The following ZDHHC14 variants were observed in gnomAD, a reference collection of about 807,000 sequenced individuals.
ZDHHC14 encodes the protein palmitoyltransferase ZDHHC14.
Under a neutral mutation model 47.7 loss-of-function variants are expected in ZDHHC14, and 16 were observed. That is an observed-to-expected ratio of 0.34 (90% confidence interval 0.23 to 0.51). The LOEUF (loss-of-function observed/expected upper bound fraction) is 0.51. Among genes scored for constraint, ZDHHC14 ranks in the 20% least tolerant of loss-of-function variants. The pLI, the probability that ZDHHC14 is intolerant of heterozygous loss-of-function variation, is 0.97. For missense variants in ZDHHC14, 515 were observed against 662.5 expected, an observed-to-expected ratio of 0.78 and a Z score of 2.44; for synonymous variants, 293 against 278.9, an observed-to-expected ratio of 1.05 and a Z score of -0.50.
In ZDHHC14 at chr6:157,640,459, C is replaced by T. The variant is rs141043130; in HGVS notation, c.753-5278C>T. On this transcript the variant is annotated intron_variant, in intron 5 of 8. Transcript: ENST00000359775. ...TTGGCCCACAGAAAGGACACCACAA[C>T]GGGAAAATCACGAAGGCAGCACAGG... 4.3e-3 allele frequency among the ~76,000 whole-genome samples: 657 copies of T among 152,288 alleles called. 5 individuals carry two copies. Among genetic ancestry groups the T allele is most frequent in the African/African-American group, 0.015 (613 of 41,568 alleles).
At chr6:157,388,031 T>A (rs1318789238) in intron 1 of ZDHHC14, among the ~76,000 whole-genome samples, 1 of 152,248 alleles carries the variant, frequency 6.6e-6, no homozygotes, top group African/African-American at 2.4e-5. Context: ...CTTTTCTTAA[T>A]TATTTAGAAA....
At chr6:157,670,320 G>T (rs1170823529) in intron 8 of ZDHHC14, among the ~76,000 whole-genome samples, 6 of 152,158 alleles carry the variant, frequency 3.9e-5, no homozygotes, top group Non-Finnish European at 8.8e-5. Flanking sequence ...TAGAGACAAG[G>T]TCTTGCTCTG....
At chr6:157,443,445 G>T (rs1778598717) in intron 1 of ZDHHC14, among the ~76,000 whole-genome samples, 1 of 152,128 alleles carries the variant, frequency 6.6e-6, no homozygotes, top group Non-Finnish European at 1.5e-5. Flanking sequence ...CATCCCTTTT[G>T]CTCTGCGGCT....
chr6:157,444,448 C>T (rs779339023), intron 1 of ZDHHC14, among the ~76,000 whole-genome samples: 1 of 152,024 alleles, frequency 6.6e-6, no homozygotes, highest in Non-Finnish European at 1.5e-5. Context: ...GAAGGTGAGG[C>T]GGGTGGATCA....
chr6:157,400,523 A>G (rs1777613451), intron 1 of ZDHHC14, among the ~76,000 whole-genome samples: 1 of 152,224 alleles, frequency 6.6e-6, no homozygotes, highest in African/African-American at 2.4e-5. Flanking sequence ...ATGTGTAGTG[A>G]ACTCTATTCT....
intron 1 of ZDHHC14, among the ~76,000 whole-genome samples, chr6:157,446,819 T>C (rs1056374066): frequency 6.6e-6 from 1 of 152,282 alleles, no homozygotes; most frequent in South Asian, 2.1e-4. Context: ...TATACACACA[T>C]GGATATGCAC....
In ZDHHC14 at chr6:157,487,250, G is replaced by C. The variant is rs773258443; in HGVS notation, c.246-55335G>C. Among the ~76,000 whole-genome samples, 97 of 152,198 alleles carry C rather than the reference G, an allele frequency of 6.4e-4. 1 individual carries two copies. The highest frequency in any genetic ancestry group is 2.0e-4 in the Admixed American group (3 of 15,284). ...TCTCAGAAGGATTTCAGGCAGGAGG[G>C]AGATGCAGTTGGGTAGAGAGGTTGA... On this transcript the variant is annotated intron_variant, in intron 1 of 8. Transcript: ENST00000359775.
intron 1 of ZDHHC14, among the ~76,000 whole-genome samples, chr6:157,511,805 C>T (rs566195640): frequency 6.6e-6 from 1 of 152,228 alleles, no homozygotes; most frequent in South Asian, 2.1e-4. Flanking sequence ...CAGTTATCGT[C>T]CATTATGAGC....
intron 1 of ZDHHC14, among the ~76,000 whole-genome samples, chr6:157,396,075 T>G (rs1010802932): frequency 1.3e-5 from 2 of 152,018 alleles, no homozygotes; most frequent in African/African-American, 4.8e-5. Flanking sequence ...GACCTCCCTG[T>G]CTCCCTCTAG....
intron 1 of ZDHHC14, among the ~76,000 whole-genome samples, chr6:157,420,930 G>A (rs1053653583): frequency 6.6e-5 from 10 of 152,254 alleles, no homozygotes; most frequent in Admixed American, 3.9e-4. Context: ...TCAGCTCAGG[G>A]GAGGGCCTGA....
chr6:157,460,349 T>G (rs2114813358), intron 1 of ZDHHC14, among the ~76,000 whole-genome samples: 1 of 129,548 alleles, frequency 7.7e-6, no homozygotes, highest in South Asian at 2.3e-4. Context: ...CAGTGAGCTA[T>G]GATCACACCA....
At chr6:157,414,517 G>A (rs1263432252) in intron 1 of ZDHHC14, among the ~76,000 whole-genome samples, 1 of 152,190 alleles carries the variant, frequency 6.6e-6, no homozygotes, top group Non-Finnish European at 1.5e-5. Flanking sequence ...GGAAGTGCTG[G>A]TGTTGTAGTC....
At chr6:157,665,354 T>C (rs1176475763) in intron 8 of ZDHHC14, among the ~76,000 whole-genome samples, 2 of 152,112 alleles carry the variant, frequency 1.3e-5, no homozygotes, top group East Asian at 3.9e-4. Context: ...GAGTTAGCCG[T>C]GGGGTGTGAC....
chr6:157,510,037 G>T (rs1780424602), intron 1 of ZDHHC14, among the ~76,000 whole-genome samples: 1 of 152,190 alleles, frequency 6.6e-6, no homozygotes, highest in Non-Finnish European at 1.5e-5. Context: ...CCAAAGTCAG[G>T]AGTTTGAGAC....
At chr6:157,622,125 C>T (rs1484095838) in intron 3 of ZDHHC14, among the ~76,000 whole-genome samples, 10 of 150,064 alleles carry the variant, frequency 6.7e-5, no homozygotes, top group Admixed American at 3.4e-4. Context: ...AATCCCAGCA[C>T]TTTGGGAGGC....
At chr6:157,639,634 G>A (rs1395501998) in intron 5 of ZDHHC14, among the ~76,000 whole-genome samples, 4 of 152,202 alleles carry the variant, frequency 2.6e-5, no homozygotes, top group Admixed American at 6.5e-5. Flanking sequence ...GGACACAACA[G>A]AGTGGAACAG....
chr6:157,403,268 T>C (rs1441436441), intron 1 of ZDHHC14, among the ~76,000 whole-genome samples: 1 of 152,244 alleles, frequency 6.6e-6, no homozygotes, highest in Non-Finnish European at 1.5e-5. Flanking sequence ...CAAATACTAT[T>C]GTCATGCTCC....
chr6:157,659,482 A>G (rs542273860), intron 8 of ZDHHC14, among the ~76,000 whole-genome samples: 2 of 152,356 alleles, frequency 1.3e-5, no homozygotes, highest in East Asian at 1.9e-4. Context: ...AAATATTTCA[A>G]GACTGACAAC....
intron 3 of ZDHHC14, among the ~76,000 whole-genome samples, chr6:157,609,051 C>A (rs150702788): frequency 6.6e-6 from 1 of 152,278 alleles, no homozygotes; most frequent in East Asian, 1.9e-4. Context: ...CCAAGTAATG[C>A]TTTTAAGGAA....
Sources: gnomAD v4.1 joint callset for allele counts (sites outside exome capture counted in the v4.1 genomes callset) on GRCh38, gnomAD v4.1.1 for gene constraint, MANE v1.5 for transcripts, NCBI Gene and HGNC (gene_info 2026-07-23, HGNC 2026-07-21) for gene names.